PCLO: variants seen among roughly 807,000 people sequenced by gnomAD.
The protein encoded by PCLO is protein piccolo.
In PCLO, 82 loss-of-function variants were observed where a neutral mutation model predicts 427.5. The observed-to-expected ratio is 0.19, with a 90% CI of 0.16 to 0.23. PCLO has a LOEUF of 0.23. Ranked by LOEUF, PCLO falls within the 10% of genes least tolerant of loss-of-function variation. The probability of loss-of-function intolerance (pLI) is 1.00; values close to 1 mark genes in which losing one functional copy is unlikely to be tolerated. For missense variants in PCLO, 6,239 were observed against 6,115.9 expected (o/e 1.02, Z -0.67); for synonymous variants, 2,357 against 2,155.4 (o/e 1.09, Z -2.59).
In PCLO at chr7:82,954,871, C is replaced by A; in HGVS notation, c.6082G>T (p.Asp2028Tyr). ...ESLHSVVPQEDIVSSSFIIPE... is the reference protein window; with the variant it reads ...ESLHSVVPQEYIVSSSFIIPE... ...ATGATAAAAGAGCTTGAAACAATAT[C>A]TTCCTGAGGCACAACAGAATGTAAG... The change falls in exon 5 of 25, where the codon GAT (aspartate) becomes TAT (tyrosine). Residue 2028 changes from aspartate to tyrosine, a missense_variant. Asp to Tyr is a radical substitution (Grantham distance 160). Coordinates refer to ENST00000333891, the MANE Select transcript of PCLO (RefSeq NM_033026.6). The A allele has an allele frequency of 6.2e-7, 1 of 1,613,966 alleles. No individual in the cohort carries two copies. Among genetic ancestry groups the A allele is most frequent in the Non-Finnish European group, 8.5e-7 (1 of 1,179,884 alleles).
At chr7:83,093,524 A>C (rs1180270349) in intron 3 of PCLO, among the ~76,000 whole-genome samples, 4 of 94,812 alleles carry the variant, frequency 4.2e-5, no homozygotes, top group Non-Finnish European at 8.5e-5. Context: ...ATGGAGTCTC[A>C]CTCTGTTACC....
intron 2 of PCLO, among the ~76,000 whole-genome samples, chr7:83,152,381 G>A (rs965095356): frequency 6.6e-6 from 1 of 152,164 alleles, no homozygotes; most frequent in African/African-American, 2.4e-5. Context: ...TTCTCCCATA[G>A]CATTCAATAA....
intron 3 of PCLO, among the ~76,000 whole-genome samples, chr7:83,029,456 A>G (rs1296740782): frequency 1.5e-5 from 2 of 131,412 alleles, no homozygotes; most frequent in Admixed American, 1.6e-4. Context: ...AAAAGTCAGG[A>G]AACAACAGGT....
chr7:82,929,703 C>A (rs747247934), intron 6 of PCLO, among the ~76,000 whole-genome samples: 4 of 152,052 alleles, frequency 2.6e-5, no homozygotes, highest in Admixed American at 1.3e-4. Flanking sequence ...TCCTTGTTTT[C>A]TAAATATGTA....
intron 10 of PCLO, among the ~76,000 whole-genome samples, chr7:82,862,835 G>A (rs1362266488): frequency 2.6e-5 from 4 of 151,974 alleles, no homozygotes; most frequent in Non-Finnish European, 1.5e-5. Context: ...GAGAGTAGAA[G>A]GATGGTTACT....
intron 6 of PCLO, among the ~76,000 whole-genome samples, chr7:82,924,033 GA>G (rs1370824182): frequency 6.6e-6 from 1 of 152,004 alleles, no homozygotes; most frequent in Non-Finnish European, 1.5e-5. Flanking sequence ...TCATGCACGT[GA>G]TATACTAAAT....
chr7:83,162,686 G>A lies in PCLO; in HGVS notation c.-94C>T, dbSNP rs1415106694. ...AGGGGAGCAGTCAGAGCCGGGGTCCGCCTCGGGGCGTGCAGGCAGCCGAGT... is the reference window on the plus strand; with the variant it reads ...AGGGGAGCAGTCAGAGCCGGGGTCCACCTCGGGGCGTGCAGGCAGCCGAGT... On this transcript the variant is annotated 5_prime_UTR_variant, in exon 1 of 25. Transcript: ENST00000333891. 4 of 1,419,440 alleles carry A rather than the reference G, an allele frequency of 2.8e-6. No homozygotes were observed. The highest frequency in any genetic ancestry group is 2.5e-5 in the East Asian group (1 of 39,910). 87.9% of individuals were successfully genotyped at this position (1,419,440 alleles called of 1,614,324 possible). A position where few individuals can be genotyped will look rare whatever the true frequency, so the allele number is the denominator to read the frequency against.
intron 20 of PCLO, among the ~76,000 whole-genome samples, chr7:82,814,035 A>T (rs1220290775): frequency 4.6e-5 from 7 of 151,802 alleles, no homozygotes; most frequent in Non-Finnish European, 8.8e-5. Flanking sequence ...TATAAATGTT[A>T]CTTTCAAGAT....
chr7:83,069,680 A>C (rs183035113), intron 3 of PCLO, among the ~76,000 whole-genome samples: 1 of 152,148 alleles, frequency 6.6e-6, no homozygotes, highest in Admixed American at 6.5e-5. Context: ...GGACATAGTA[A>C]GTTTTTAATA....
At position 83,134,243 on chromosome 7, in the gene PCLO, A is replaced by ATATATATATATAT. The variant is rs1554402641; in HGVS notation, c.3300+6_3300+7insATATATATATATA. 14 of 1,088,078 alleles carry ATATATATATATAT rather than the reference A, an allele frequency of 1.3e-5. No homozygotes were observed. Among genetic ancestry groups the ATATATATATATAT allele is most frequent in the African/African-American group, 4.8e-5 (3 of 61,890 alleles). 67.4% of individuals were successfully genotyped at this position (1,088,078 alleles called of 1,614,324 possible). On this transcript the variant is annotated splice_region_variant and intron_variant, in intron 3 of 24. Coordinates refer to ENST00000333891, the MANE Select transcript of PCLO (RefSeq NM_033026.6). ...AATATATATATATATATATATATATAACTTACCTCAGTCAAATGTGGTGTA... is the reference window on the plus strand; with the variant it reads ...AATATATATATATATATATATATATATATATATATATATACTTACCTCAGTCAAATGTGGTGTA...
chr7:83,158,139 A>AAT (rs1792346103), intron 1 of PCLO, among the ~76,000 whole-genome samples: 1 of 152,056 alleles, frequency 6.6e-6, no homozygotes, highest in Non-Finnish European at 1.5e-5. Flanking sequence ...AAATAAGTAG[A>AAT]TTCTGAATTT....
chr7:82,802,437 A>C (rs1037549570), intron 21 of PCLO, among the ~76,000 whole-genome samples: 1 of 152,150 alleles, frequency 6.6e-6, no homozygotes, highest in Non-Finnish European at 1.5e-5. Flanking sequence ...AGTCAACTAG[A>C]TGAAGAATTC....
At chr7:82,864,335 T>C (rs1214385201) in intron 10 of PCLO, among the ~76,000 whole-genome samples, 1 of 152,030 alleles carries the variant, frequency 6.6e-6, no homozygotes, top group Non-Finnish European at 1.5e-5. Flanking sequence ...TACTATGGAG[T>C]AGGAACATCA....
In PCLO at chr7:82,993,180, CATT is replaced by C. The variant is rs568548436; in HGVS notation, c.3301-26696_3301-26694del. Among the ~76,000 whole-genome samples, 6 of 151,918 alleles carry C rather than the reference CATT, an allele frequency of 3.9e-5. No individual in the cohort carries two copies. The South Asian group carries it at 1.2e-3, about 32-fold the overall frequency. On this transcript the variant is annotated intron_variant, in intron 3 of 24. Coordinates refer to ENST00000333891, the MANE Select transcript of PCLO (RefSeq NM_033026.6). ...ATATATTCAATGCAACTTAATATCT[CATT>C]ATAAAATTTCTTATATTGGCTAAAT...
chr7:83,051,963 T>C (rs897893100), intron 3 of PCLO, among the ~76,000 whole-genome samples: 7 of 151,884 alleles, frequency 4.6e-5, no homozygotes, highest in Non-Finnish European at 7.4e-5. Flanking sequence ...CAAATGGTGC[T>C]AGAACAGAGA....
intron 3 of PCLO, among the ~76,000 whole-genome samples, chr7:82,974,159 G>GT (rs539672725): frequency 1.7e-3 from 256 of 151,156 alleles, no homozygotes; most frequent in Non-Finnish European, 2.5e-3. Flanking sequence ...GACCGAGGTG[G>GT]GTAGATCTCT....
chr7:82,816,497 T>C (rs1254533701), intron 20 of PCLO, among the ~76,000 whole-genome samples: 1 of 152,070 alleles, frequency 6.6e-6, no homozygotes, highest in East Asian at 1.9e-4. Flanking sequence ...TCCCTGGTGG[T>C]AATTTGATGA....
At chr7:83,123,953 T>C (rs1485964634) in intron 3 of PCLO, among the ~76,000 whole-genome samples, 1 of 20,598 alleles carries the variant, frequency 4.9e-5, no homozygotes, top group East Asian at 3.0e-3. Flanking sequence ...AGAAACTCTG[T>C]CTCAAAAAAA....
At chr7:82,966,542 C>G in intron 3 of PCLO, 55 bp from the exon 4 acceptor site, 5 of 1,131,598 alleles carry the variant, frequency 4.4e-6, no homozygotes, top group Non-Finnish European at 6.0e-6. Flanking sequence ...GTATCTGTTT[C>G]TGTGATTTTA....
Sources: allele counts gnomAD v4.1 joint callset (sites outside exome capture counted in the v4.1 genomes callset), GRCh38; gene constraint gnomAD v4.1.1; transcripts MANE v1.5; gene names NCBI Gene and HGNC (gene_info 2026-07-23, HGNC 2026-07-21).